The following EML1 variants were observed in gnomAD, a reference collection of about 807,000 sequenced individuals.
EML1 encodes EMAP like 1.
A neutral mutation model predicts 110.4 loss-of-function variants in EML1; 27 were observed. That is an observed-to-expected ratio of 0.24 (90% CI 0.18 to 0.34). The LOEUF (loss-of-function observed/expected upper bound fraction) is 0.34, where lower values mean the gene tolerates loss of function less well. Among genes scored for constraint, EML1 ranks in the 10% least tolerant of loss-of-function variants. The probability of loss-of-function intolerance (pLI) is 1.00; values close to 1 mark genes in which losing one functional copy is unlikely to be tolerated. For missense variants in EML1, 741 were observed against 1,030.9 expected (o/e 0.72, Z 3.85); for synonymous variants, 344 against 385.8 (o/e 0.89, Z 1.27).
At position 99,910,268 on chromosome 14, in the gene EML1, C is replaced by G; in HGVS notation, c.1266C>G (p.Leu422=). 1 of 1,612,886 alleles carries G rather than the reference C, an allele frequency of 6.2e-7. No homozygotes were observed. Among genetic ancestry groups the G allele is most frequent in the Non-Finnish European group, 8.5e-7 (1 of 1,179,484 alleles). ...AACAAGAAAAGCCAAAGTTTGTCCT[C>G]TGTGTGACTTTCTCTGAAAACGGTG... ...FEKQEKPKFV[L]CVTFSENGDT... The change falls in exon 12 of 22, where the codon CTC becomes CTG. Residue 422 remains leucine (L), a synonymous_variant. Coordinates refer to ENST00000262233, the MANE Select transcript of EML1 (RefSeq NM_004434.3).
chr14:99,908,722 G>A (rs2059897248), intron 10 of EML1, among the ~76,000 whole-genome samples: 1 of 152,164 alleles, frequency 6.6e-6, no homozygotes, highest in Non-Finnish European at 1.5e-5. Context: ...GGCACCTGAA[G>A]TGCTAGATCT....
chr14:99,931,880 C>T (rs2060375425), intron 17 of EML1, among the ~76,000 whole-genome samples: 1 of 152,176 alleles, frequency 6.6e-6, no homozygotes, highest in African/African-American at 2.4e-5. Flanking sequence ...TGCCGTCTTG[C>T]CGGGCAGTCG....
intron 1 of EML1, among the ~76,000 whole-genome samples, chr14:99,747,108 A>G (rs2057118587): frequency 6.7e-6 from 1 of 149,648 alleles, no homozygotes; most frequent in Non-Finnish European, 1.5e-5. Context: ...GAATGGCGTG[A>G]ACCCAGGAGG....
At position 99,905,212 on chromosome 14, in the gene EML1, G is replaced by C. The variant is rs970032912; in HGVS notation, c.1009-2426G>C. Among the ~76,000 whole-genome samples, 1 of 152,138 alleles carries C rather than the reference G, an allele frequency of 6.6e-6. No individual in the cohort carries two copies. The highest frequency in any genetic ancestry group is 1.5e-5 in the Non-Finnish European group (1 of 68,028). On this transcript the variant is annotated intron_variant, in intron 9 of 21. Coordinates refer to ENST00000262233, the MANE Select transcript of EML1 (RefSeq NM_004434.3). This position sits in a 1 kb window ranked among gnomAD's most constrained non-coding sequence, Gnocchi z 4.1. ...TCATAAAGGAAAATTATCTTTTTCTGTCCTGGCCAGAGCAAAATATGTGTG... is the reference window on the plus strand; with the variant it reads ...TCATAAAGGAAAATTATCTTTTTCTCTCCTGGCCAGAGCAAAATATGTGTG...
At chr14:99,780,680 T>A (rs2057530185) in intron 1 of EML1, among the ~76,000 whole-genome samples, 1 of 152,152 alleles carries the variant, frequency 6.6e-6, no homozygotes, top group Admixed American at 6.5e-5. Flanking sequence ...ATGATGATGG[T>A]CCCATAAGGT....
chr14:99,814,203 G>A (rs1444060845), intron 1 of EML1, among the ~76,000 whole-genome samples: 1 of 152,198 alleles, frequency 6.6e-6, no homozygotes, highest in Non-Finnish European at 1.5e-5. Flanking sequence ...TTCAGGACTA[G>A]ATTTCATCTT....
At position 99,851,135 on chromosome 14, in the gene EML1, G is replaced by A. The variant is rs4905905; in HGVS notation, c.250+100G>A. 0.27 allele frequency: 342,022 copies of A among 1,256,282 alleles called. 49,859 individuals carry two copies. The highest frequency in any genetic ancestry group is 0.3 in the Non-Finnish European group (273,893 of 913,346). The allele number at this position is 1,256,282 out of a possible 1,614,324, so 77.8% of individuals were successfully genotyped here. ...TGCTCTTTAATATTGACAGAGAATC[G>A]AAACTTAGAATAACAATAAAACAGT... On this transcript the variant is annotated intron_variant, in intron 2 of 21. Coordinates refer to ENST00000262233, the MANE Select transcript of EML1 (RefSeq NM_004434.3).
At chr14:99,918,088 A>G (rs1209008589) in intron 16 of EML1, among the ~76,000 whole-genome samples, 2 of 152,136 alleles carry the variant, frequency 1.3e-5, no homozygotes, top group African/African-American at 4.8e-5. Context: ...CTCTACCTCC[A>G]CTAGACACAC....
In EML1 at chr14:99,764,587, T is replaced by C. The variant is rs531197232; in HGVS notation, c.28+26727T>C. Among the ~76,000 whole-genome samples, 5 of 152,302 alleles carry C rather than the reference T, an allele frequency of 3.3e-5. No individual in the cohort carries two copies. The South Asian group carries it at 6.2e-4, about 19-fold the overall frequency. On this transcript the variant is annotated intron_variant, in intron 1 of 10. Transcript: ENST00000554479. The stretch of plus-strand genomic sequence containing the variant: ...TTCACAGTCTAGTGGAGCATGCAGG[T>C]TGGCGAACAGATGAAGGCCAAGGAG...
chr14:99,738,575 G>T (rs751771359), intron 1 of EML1, among the ~76,000 whole-genome samples: 6 of 152,250 alleles, frequency 3.9e-5, no homozygotes, highest in African/African-American at 1.4e-4. Context: ...GGCTGTCCAG[G>T]TTCAAATTCC....
rs1485792276 is a variant in EML1 at position 99,781,566 on chromosome 14, T to A, written c.-27+7553T>A. Among the ~76,000 whole-genome samples the A allele has an allele frequency of 6.6e-6, 1 of 152,190 alleles. No individual in the cohort carries two copies. Among genetic ancestry groups the A allele is most frequent in the Non-Finnish European group, 1.5e-5 (1 of 68,028 alleles). On this transcript the variant is annotated intron_variant, in intron 1 of 22. Transcript: ENST00000327921. This position sits in a 1 kb window ranked among gnomAD's most constrained non-coding sequence, Gnocchi z 4.2. ...CCTCACCTGGAACAGGTCCCACTAG[T>A]TTGTCTTCATGCTTCGTGTCCCCTG...
rs59854121 is a variant in EML1, at chr14:99,896,740, A to ATTT, written c.678-394_678-392dup. Among the ~76,000 whole-genome samples the ATTT allele has an allele frequency of 9.9e-3, 1,462 of 147,534 alleles. 18 individuals carry two copies. The highest frequency in any genetic ancestry group is 0.034 in the African/African-American group (1,360 of 40,410). ...TATCCCAAAGGATCTGAGGGGCCTGATTTTTTTTTTTTTACCTTTTATGTA... is the reference window on the plus strand; with the variant it reads ...TATCCCAAAGGATCTGAGGGGCCTGATTTTTTTTTTTTTTTTACCTTTTATGTA... On this transcript the variant is annotated intron_variant, in intron 6 of 21. Coordinates refer to ENST00000262233, the MANE Select transcript of EML1 (RefSeq NM_004434.3).
intron 1 of EML1, among the ~76,000 whole-genome samples, chr14:99,785,755 A>G (rs1357481119): frequency 6.6e-6 from 1 of 152,150 alleles, no homozygotes; most frequent in African/African-American, 2.4e-5. Flanking sequence ...GAATTTACAA[A>G]GCAACGGAGA....
intron 1 of EML1, chr14:99,839,196 G>A (rs907663756): frequency 2.0e-5 from 3 of 151,898 alleles, no homozygotes; most frequent in African/African-American, 7.3e-5. Flanking sequence ...ACGTAGTAAC[G>A]GGCCTGAAGT....
intron 15 of EML1, among the ~76,000 whole-genome samples, chr14:99,915,991 C>T (rs2060028226): frequency 6.6e-6 from 1 of 152,206 alleles, no homozygotes; most frequent in African/African-American, 2.4e-5. Flanking sequence ...GGGGCAGGCA[C>T]TGCCACTCAG....
chr14:99,849,836 C>T (rs374457196), intron 1 of EML1, among the ~76,000 whole-genome samples: 5 of 151,982 alleles, frequency 3.3e-5, no homozygotes, highest in African/African-American at 9.7e-5. Context: ...ACATGAGCCA[C>T]GGCACCTGGC....
chr14:99,914,612 C>T lies in EML1; in HGVS notation c.1667C>T (p.Ser556Phe), dbSNP rs763053686. The part of the protein sequence containing the change: ...LWGLAIHASK[S>F]QFLTCGHDKH... ...GGACTGGCCATCCATGCCTCAAAATCTCAGTTCTTGACCTGTGGGCATGAC... is the reference window on the plus strand; with the variant it reads ...GGACTGGCCATCCATGCCTCAAAATTTCAGTTCTTGACCTGTGGGCATGAC... Residue 556 changes from serine to phenylalanine, a missense_variant, in exon 15 of 22, where the codon TCT (serine) becomes TTT (phenylalanine). Around this residue, in one of 4 missense-constraint regions of EML1, gnomAD observed 388 missense variants for 605.6 expected, o/e 0.64. Coordinates refer to ENST00000262233, the MANE Select transcript of EML1 (RefSeq NM_004434.3). 1 of 1,611,574 alleles carries T rather than the reference C, an allele frequency of 6.2e-7. No homozygotes were observed. The highest frequency in any genetic ancestry group is 1.7e-5 in the Admixed American group (1 of 59,024).
chr14:99,864,546 G>A (rs1328972163), intron 2 of EML1, among the ~76,000 whole-genome samples: 5 of 152,112 alleles, frequency 3.3e-5, no homozygotes, highest in Non-Finnish European at 7.4e-5. Flanking sequence ...GGGCATGGTG[G>A]CTCTCACCTG....
At chr14:99,931,358 A>G (rs1053211222) in intron 17 of EML1, among the ~76,000 whole-genome samples, 4 of 151,792 alleles carry the variant, frequency 2.6e-5, no homozygotes, top group Non-Finnish European at 4.4e-5. Context: ...ACAAATTACT[A>G]AGCCTCAGTT....
Sources: allele counts gnomAD v4.1 joint callset (sites outside exome capture counted in the v4.1 genomes callset), GRCh38; gene constraint gnomAD v4.1.1; regional missense constraint gnomAD v4.1.1; non-coding constraint Gnocchi (gnomAD v3.1); transcripts MANE v1.5; gene names NCBI Gene and HGNC (gene_info 2026-07-23, HGNC 2026-07-21).